The following LRIT3 variants were observed in gnomAD, a reference collection of about 807,000 sequenced individuals.
LRIT3 encodes the protein leucine rich repeat, Ig-like and transmembrane domains 3.
In LRIT3, 14 loss-of-function variants were observed where a neutral mutation model predicts 22.6. That is an observed-to-expected ratio of 0.62 (90% CI 0.41 to 0.97). LRIT3 has a LOEUF of 0.97. LRIT3 is among the 50% of genes least tolerant of loss of function. The pLI is 0.00. For missense variants in LRIT3, 783 were observed against 803.0 expected (o/e 0.98, Z 0.30); for synonymous variants, 306 against 304.5 (o/e 1.01, Z -0.05).
chr4:109,852,223 T>C (rs1734291404), intron 2 of LRIT3, among the ~76,000 whole-genome samples: 1 of 152,184 alleles, frequency 6.6e-6, no homozygotes, highest in Non-Finnish European at 1.5e-5. Context: ...ACTTGCATCA[T>C]AAATGGAGAG....
rs370992995 is a variant in LRIT3 at position 109,861,890 on chromosome 4, A to T, written c.590-5751A>T. On this transcript the variant is annotated intron_variant, in intron 2 of 3. Transcript: ENST00000594814. ...AAAATCACAGATATGATATTTTCTT[A>T]TAGTTTTAGCCTTTATACTCAATTT... 1.7e-4 allele frequency among the ~76,000 whole-genome samples: 26 copies of T among 152,302 alleles called. No individual in the cohort carries two copies. The East Asian group carries it at 4.8e-3, about 28-fold the overall frequency.
At position 109,870,187 on chromosome 4, in the gene LRIT3, C is replaced by G. The variant is rs752367483; in HGVS notation, c.1438C>G (p.Leu480Val). 1.9e-6 allele frequency: 3 copies of G among 1,614,202 alleles called. No homozygotes were observed. Among genetic ancestry groups the G allele is most frequent in the East Asian group, 4.5e-5 (2 of 44,888 alleles). Residue 480 changes from leucine (L) to valine (V), a missense_variant, in exon 4 of 4, where the codon CTT (leucine) becomes GTT (valine). Physicochemically the swap from Leu to Val is conservative, Grantham distance 32. Transcript: ENST00000594814. ...GCTGGCATTGTTGGATCAAACAATG[C>G]TTACGGAGACAAATGCCGCAATAGA... Reference protein sequence around the residue: ...EELALLDQTMLTETNAAIENL... With the variant: ...EELALLDQTMVTETNAAIENL...
At chr4:109,856,154 G>C (rs987903747) in intron 2 of LRIT3, among the ~76,000 whole-genome samples, 2 of 152,118 alleles carry the variant, frequency 1.3e-5, no homozygotes, top group African/African-American at 4.8e-5. Context: ...ATTACACACT[G>C]TTGGCTCATT....
chr4:109,851,450 T>G (rs946275851), intron 1 of LRIT3, 54 bp from the exon 2 acceptor site: 20 of 1,464,204 alleles, frequency 1.4e-5, no homozygotes, highest in Non-Finnish European at 1.6e-5. Flanking sequence ...AGTATTTTTT[T>G]CAAATGGGTG....
At chr4:109,855,430 TTTC>T (rs1214616774) in intron 2 of LRIT3, among the ~76,000 whole-genome samples, 1 of 152,186 alleles carries the variant, frequency 6.6e-6, no homozygotes, top group East Asian at 1.9e-4. Context: ...TCTTCTCTCT[TTTC>T]TTCTTTATTA....
chr4:109,857,416 T>C (rs904546871), intron 2 of LRIT3, among the ~76,000 whole-genome samples: 2 of 152,138 alleles, frequency 1.3e-5, no homozygotes, highest in African/African-American at 2.4e-5. Context: ...GTGGAAATAG[T>C]AGTGTAAATC....
intron 2 of LRIT3, among the ~76,000 whole-genome samples, chr4:109,864,237 T>A (rs1217212595): frequency 6.6e-6 from 1 of 152,174 alleles, no homozygotes; most frequent in Non-Finnish European, 1.5e-5. Flanking sequence ...GGTGGGTGTT[T>A]ACATGTTCCT....
intron 2 of LRIT3, among the ~76,000 whole-genome samples, chr4:109,861,271 T>G (rs929765576): frequency 3.3e-5 from 5 of 151,236 alleles, no homozygotes; most frequent in Middle Eastern, 3.4e-3. Flanking sequence ...TCAGGTGAGG[T>G]AGGAGAAACC....
In LRIT3 at chr4:109,870,360, C is replaced by T. The variant is rs1734800713; in HGVS notation, c.1611C>T (p.Asn537=). 1.9e-6 allele frequency: 3 copies of T among 1,614,162 alleles called. No homozygotes were observed. In the South Asian group the frequency reaches 3.3e-5, roughly 18 times the overall value. The change falls in exon 4 of 4, where the codon AAC becomes AAT. Residue 537 remains asparagine, a synonymous_variant. Transcript: ENST00000594814. ...LLLLNADSSK[N]QVTIDGLEPG... is the part of the protein sequence containing the mutation. Reference sequence around the variant, plus strand: ...TGTTGAATGCAGACTCCAGCAAGAACCAAGTAACCATAGATGGCTTGGAAC... The same window carrying T: ...TGTTGAATGCAGACTCCAGCAAGAATCAAGTAACCATAGATGGCTTGGAAC...
At position 109,850,410 on chromosome 4, in the gene LRIT3, C is replaced by CTTTCTTTCTTTCTTT. The variant is rs1328726520; in HGVS notation, c.117-1094_117-1093insTTTCTTTCTTTCTTT. ...TCCTTCCTTCCTTCCTTCCTTCCTT[C>CTTTCTTTCTTTCTTT]CTTCCTTCCTTCCTTTCTTTCTTTC... On this transcript the variant is annotated intron_variant, in intron 1 of 3. Coordinates refer to ENST00000594814, the MANE Select transcript of LRIT3 (RefSeq NM_198506.5). Among the ~76,000 whole-genome samples, 47 of 5,704 alleles carry CTTTCTTTCTTTCTTT rather than the reference C, an allele frequency of 8.2e-3. 1 individual carries two copies. The highest frequency in any genetic ancestry group is 0.041 in the South Asian group (3 of 74). 3.7% of individuals were successfully genotyped at this position (5,704 alleles called of 152,430 possible). A position where few individuals can be genotyped will look rare whatever the true frequency, so the allele number is the denominator to read the frequency against.
In LRIT3 at chr4:109,865,298, C is replaced by A. The variant is rs1000313073; in HGVS notation, c.590-2343C>A. ...TTGGTGAGAATGTCATTTCCTATTACTTTTAAAATTTCTCTTTCATATATT... is the reference window on the plus strand; with the variant it reads ...TTGGTGAGAATGTCATTTCCTATTAATTTTAAAATTTCTCTTTCATATATT... On this transcript the variant is annotated intron_variant, in intron 2 of 3. Coordinates refer to ENST00000594814, the MANE Select transcript of LRIT3 (RefSeq NM_198506.5). 9.4e-6 allele frequency: 15 copies of A among 1,601,904 alleles called. No individual in the cohort carries two copies. The African/African-American group carries it at 1.6e-4, about 17-fold the overall frequency.
rs568235700 is a variant in LRIT3 at position 109,863,475 on chromosome 4, C to T, written c.590-4166C>T. On this transcript the variant is annotated intron_variant, in intron 2 of 3. Transcript: ENST00000594814. Reference sequence around the variant, plus strand: ...CCTTCAGACGCTTAGTGCCGTTGTTCTTTGATCTCCTGAATCTCTGCATGT... The same window carrying T: ...CCTTCAGACGCTTAGTGCCGTTGTTTTTTGATCTCCTGAATCTCTGCATGT... Among the ~76,000 whole-genome samples, 82 of 152,306 alleles carry T rather than the reference C, an allele frequency of 5.4e-4. 3 individuals are homozygous for T. Among genetic ancestry groups the T allele is most frequent in the Admixed American group, 3.5e-3 (53 of 15,306 alleles).
intron 2 of LRIT3, chr4:109,865,010 AT>A (rs1270827911): frequency 5.5e-6 from 7 of 1,284,312 alleles, no homozygotes; most frequent in Non-Finnish European, 5.1e-6. Flanking sequence ...CAAATTAGGC[AT>A]TCTATCATAT....
chr4:109,849,694 C>A (rs1219972815), intron 1 of LRIT3, among the ~76,000 whole-genome samples: 2 of 152,202 alleles, frequency 1.3e-5, no homozygotes, highest in African/African-American at 4.8e-5. Context: ...CTCACTGCAA[C>A]CTCCATCTCC....
At chr4:109,868,910 T>C (rs1230532986) in intron 3 of LRIT3, among the ~76,000 whole-genome samples, 1 of 152,168 alleles carries the variant, frequency 6.6e-6, no homozygotes. Flanking sequence ...AGTTTTGGGC[T>C]ACTGGGCTAC....
intron 2 of LRIT3, among the ~76,000 whole-genome samples, chr4:109,863,544 A>G (rs866006681): frequency 6.6e-6 from 1 of 152,210 alleles, no homozygotes; most frequent in African/African-American, 2.4e-5. Context: ...ATTCTGCACT[A>G]TCTTTTCAAG....
intron 2 of LRIT3, chr4:109,865,127 A>G: frequency 6.9e-7 from 1 of 1,439,570 alleles, no homozygotes; most frequent in Non-Finnish European, 9.2e-7. Context: ...AGGCTGATAG[A>G]ACGTTACGGC....
chr4:109,869,903 A>G lies in LRIT3; in HGVS notation c.1154A>G (p.Tyr385Cys), dbSNP rs1043790079. The G allele has an allele frequency of 6.2e-7, 1 of 1,614,072 alleles. No individual in the cohort carries two copies. Among genetic ancestry groups the G allele is most frequent in the East Asian group, 2.2e-5 (1 of 44,868 alleles). Residue 385 changes from tyrosine to cysteine, a missense_variant, in exon 4 of 4, where the codon TAT becomes TGT. By Grantham distance (194) the Tyr-to-Cys change is radical. This residue lies in a region of LRIT3 where 756 missense variants were observed against 753.8 expected (regional missense o/e 1.00). Transcript: ENST00000594814. ...RSTSVSSASS[Y>C]LWSSSFSPTS... ...ACATCTGTATCTAGCGCATCATCAT[A>G]TCTTTGGTCCTCTTCCTTCTCCCCC...
In LRIT3 at chr4:109,870,663, T is replaced by C; in HGVS notation, c.1914T>C (p.Ser638=). 1 of 1,614,108 alleles carries C rather than the reference T, an allele frequency of 6.2e-7. No homozygotes were observed. The highest frequency in any genetic ancestry group is 8.5e-7 in the Non-Finnish European group (1 of 1,180,018). ...AGACCCTGTTTCCCAGGTCTCAAAG[T>C]GTAGGTGAGCTCTGGACACGAAGCC... ...QFETLFPRSQ[S]VGELWTRSHR... is the part of the protein sequence containing the mutation. Residue 638 remains serine, a synonymous_variant, in exon 4 of 4, where the codon AGT becomes AGC. Transcript: ENST00000594814.
Sources: allele counts gnomAD v4.1 joint callset (sites outside exome capture counted in the v4.1 genomes callset), GRCh38; gene constraint gnomAD v4.1.1; regional missense constraint gnomAD v4.1.1; transcripts MANE v1.5; gene names NCBI Gene and HGNC (gene_info 2026-07-23, HGNC 2026-07-21).